The following MZT2A variants were observed in gnomAD, a reference collection of about 807,000 sequenced individuals.
The protein encoded by MZT2A is mitotic spindle organizing protein 2A.
In MZT2A, 8 loss-of-function variants were observed where a neutral mutation model predicts 12.4. The ratio of observed to expected loss-of-function variants is 0.64; its 90% CI spans 0.38 to 1.16. The LOEUF is 1.16. Among genes scored for constraint, MZT2A ranks in the 50% most tolerant of loss-of-function variants. The probability of loss-of-function intolerance (pLI) is 0.01; values close to 1 mark genes in which losing one functional copy is unlikely to be tolerated. For synonymous variants in MZT2A, 88 were observed against 107.5 expected, an observed-to-expected ratio of 0.82 and a Z score of 1.12; for missense variants, 181 against 223.6, an observed-to-expected ratio of 0.81 and a Z score of 1.22.
chr2:131,490,602 T>C (rs1284245540), intron 2 of MZT2A: 13 of 1,545,318 alleles, frequency 8.4e-6, no homozygotes, highest in Non-Finnish European at 1.1e-5. Context: ...AGCGGTGGCC[T>C]GCATGATCCT....
chr2:131,480,463 C>A (rs754278163), downstream of MZT2A: 1 of 1,588,428 alleles, frequency 6.3e-7, no homozygotes, highest in East Asian at 2.2e-5. Flanking sequence ...GAATTCCAGA[C>A]CAACCTAGTG....
At chr2:131,490,567 G>C in intron 2 of MZT2A, 1 of 1,515,476 alleles carries the variant, frequency 6.6e-7, no homozygotes, top group Non-Finnish European at 8.8e-7. Flanking sequence ...GTCAGAAATA[G>C]TGCCCTGTGG....
intron 4 of MZT2A, chr2:131,469,947 G>C: frequency 5.0e-6 from 1 of 199,086 alleles, no homozygotes. Flanking sequence ...AGGATTACAG[G>C]CACCCAATAC....
At chr2:131,491,177 G>A (rs1210847717) in intron 2 of MZT2A, 9 of 509,198 alleles carry the variant, frequency 1.8e-5, no homozygotes, top group South Asian at 1.2e-4. Flanking sequence ...CGGAGAGGAT[G>A]AGCAGGGACG....
At chr2:131,480,606 T>C, downstream of MZT2A, 3 of 1,613,370 alleles carry the variant, frequency 1.9e-6, no homozygotes, top group Non-Finnish European at 1.7e-6. Flanking sequence ...AATGGTCAAG[T>C]GTGACCCTCG....
chr2:131,491,278 T>G (rs1679287411), intron 2 of MZT2A: 1 of 326,912 alleles, frequency 3.1e-6, no homozygotes, highest in Non-Finnish European at 5.9e-6. Context: ...CCCGCAGGCC[T>G]CTGCACCCTG....
At chr2:131,483,240 G>A (rs1203361910), downstream of MZT2A, among the ~76,000 whole-genome samples, 2 of 152,330 alleles carry the variant, frequency 1.3e-5, no homozygotes, top group East Asian at 1.9e-4. Flanking sequence ...GAGACTAGAA[G>A]TGTTGGAGGT....
chr2:131,484,413 C>T (rs1434778223), intron 2 of MZT2A, among the ~76,000 whole-genome samples, 195 bp from the exon 3 acceptor site: 1 of 152,246 alleles, frequency 6.6e-6, no homozygotes, highest in Non-Finnish European at 1.5e-5. Flanking sequence ...AAGCCCTTGG[C>T]AGTGTGCAGG....
chr2:131,493,472 G>T (rs532985616), upstream of MZT2A, among the ~76,000 whole-genome samples: 113 of 152,220 alleles, frequency 7.4e-4, 1 homozygote, highest in South Asian at 3.7e-3. Flanking sequence ...GGTGTGGGAG[G>T]AAGAGCCGGG....
intron 2 of MZT2A, among the ~76,000 whole-genome samples, chr2:131,484,977 G>C (rs770813265): frequency 3.9e-5 from 6 of 152,334 alleles, no homozygotes; most frequent in African/African-American, 9.6e-5. Flanking sequence ...TCGGGCCAGA[G>C]CTTTATTTTA....
intron 2 of MZT2A, among the ~76,000 whole-genome samples, chr2:131,489,201 CTTTTT>C (rs397873005): frequency 6.9e-6 from 1 of 145,644 alleles, no homozygotes; most frequent in African/African-American, 2.6e-5. Context: ...CCTTTCTTTT[CTTTTT>C]TTTTTTTTGA....
upstream of MZT2A, among the ~76,000 whole-genome samples, chr2:131,493,749 G>T (rs1312218782): frequency 6.6e-6 from 1 of 152,206 alleles, no homozygotes; most frequent in Admixed American, 6.5e-5. Context: ...TCGCGACGAA[G>T]TGGACTCTAG....
At chr2:131,485,507 G>C (rs893395316) in intron 2 of MZT2A, among the ~76,000 whole-genome samples, 1 of 152,166 alleles carries the variant, frequency 6.6e-6, no homozygotes, top group African/African-American at 2.4e-5. Context: ...TCCCTCGTGA[G>C]GGCACGCTGC....
At chr2:131,476,533 A>G (rs1005677070) in intron 2 of MZT2A, among the ~76,000 whole-genome samples, 10 of 152,150 alleles carry the variant, frequency 6.6e-5, no homozygotes, top group Non-Finnish European at 1.0e-4. Context: ...ACTCGAAACA[A>G]CTGAGGAGCC....
chr2:131,482,949 G>A (rs955758601), downstream of MZT2A: 168 of 1,530,042 alleles, frequency 1.1e-4, no homozygotes, highest in African/African-American at 1.1e-3. Flanking sequence ...TCTGTGTGTC[G>A]TGCAGCTTAG....
chr2:131,493,023 C>T, upstream of MZT2A: 1 of 1,485,850 alleles, frequency 6.7e-7, no homozygotes, highest in Non-Finnish European at 9.0e-7. Context: ...GAGGTAGAAG[C>T]GCTTTTCCCG....
chr2:131,474,105 T>C (rs1678560927), intron 2 of MZT2A, among the ~76,000 whole-genome samples: 1 of 150,186 alleles, frequency 6.7e-6, no homozygotes, highest in Admixed American at 6.6e-5. Context: ...TAAATAGCTT[T>C]TTTTTTTTTT....
chr2:131,474,428 G>A (rs1303818117), intron 2 of MZT2A, among the ~76,000 whole-genome samples: 1 of 29,348 alleles, frequency 3.4e-5, no homozygotes, highest in Non-Finnish European at 7.1e-5. Flanking sequence ...TTTTTTTTTT[G>A]AGATGGAGTT....
intron 2 of MZT2A, chr2:131,490,340 T>C: frequency 5.7e-6 from 6 of 1,046,580 alleles, no homozygotes; most frequent in Non-Finnish European, 7.1e-6. Flanking sequence ...CCTGTCCAGG[T>C]AGGGGACAAC....
Sources: allele counts gnomAD v4.1 joint callset (sites outside exome capture counted in the v4.1 genomes callset), GRCh38; gene constraint gnomAD v4.1.1; transcripts MANE v1.5; gene names NCBI Gene and HGNC (gene_info 2026-07-23, HGNC 2026-07-21).